The following MTUS1 variants were observed in gnomAD, a reference collection of about 807,000 sequenced individuals.
MTUS1 encodes the protein microtubule associated scaffold protein 1.
A neutral mutation model predicts 120.8 loss-of-function variants in MTUS1; 109 were observed. The ratio of observed to expected loss-of-function variants is 0.90; its 90% confidence interval spans 0.77 to 1.06. The LOEUF (loss-of-function observed/expected upper bound fraction) is 1.06. Ranked by LOEUF, MTUS1 falls within the 50% of genes least tolerant of loss-of-function variation. The pLI is 0.00. For synonymous variants in MTUS1, 737 were observed against 550.5 expected, an observed-to-expected ratio of 1.34 and a Z score of -4.74; for missense variants, 2,210 against 1,486.3, an observed-to-expected ratio of 1.49 and a Z score of -8.01.
At chr8:17,705,049 T>C (rs1819882481) in intron 6 of MTUS1, among the ~76,000 whole-genome samples, 2 of 152,188 alleles carry the variant, frequency 1.3e-5, no homozygotes, top group African/African-American at 4.8e-5. Flanking sequence ...GGTGGTGCAA[T>C]CTCAGCTCAC....
chr8:17,713,238 T>A lies in MTUS1; in HGVS notation c.2599A>T (p.Asn867Tyr). ...KTPPKGPSRK[N>Y]LFTALNAVEK... Reference sequence around the variant, plus strand: ...CCTGCATTAAGAGCTGTAAATAAATTTTTTCTCGAAGGACCTAAGATATAA... The same window carrying A: ...CCTGCATTAAGAGCTGTAAATAAATATTTTCTCGAAGGACCTAAGATATAA... Residue 867 changes from asparagine to tyrosine, a missense_variant, in exon 6 of 15, where the codon AAT becomes TAT. Coordinates refer to ENST00000693296, the MANE Select transcript of MTUS1 (RefSeq NM_001363059.2). 6.3e-7 allele frequency: 1 copy of A among 1,594,676 alleles called. No individual in the cohort carries two copies. The highest frequency in any genetic ancestry group is 8.6e-7 in the Non-Finnish European group (1 of 1,164,636).
intron 8 of MTUS1, among the ~76,000 whole-genome samples, chr8:17,664,571 C>A (rs1311510177): frequency 6.6e-6 from 1 of 151,750 alleles, no homozygotes; most frequent in Non-Finnish European, 1.5e-5. Context: ...AACCGGCCTC[C>A]TCCTCTCAGT....
At chr8:17,690,021 A>T (rs1352827150) in intron 6 of MTUS1, among the ~76,000 whole-genome samples, 1 of 152,234 alleles carries the variant, frequency 6.6e-6, no homozygotes, top group Non-Finnish European at 1.5e-5. Flanking sequence ...ACAAAAATAG[A>T]CAAATGGGAC....
At chr8:17,748,887 A>G (rs937979727) in intron 2 of MTUS1, among the ~76,000 whole-genome samples, 3 of 152,200 alleles carry the variant, frequency 2.0e-5, no homozygotes, top group African/African-American at 7.2e-5. Flanking sequence ...TATGCACCCA[A>G]TAAATGTTTC....
intron 6 of MTUS1, among the ~76,000 whole-genome samples, chr8:17,688,323 T>G (rs755792109): frequency 5.2e-4 from 79 of 152,194 alleles, no homozygotes; most frequent in African/African-American, 1.8e-3. Flanking sequence ...AGGGTGGTAT[T>G]GCTCAGAGAG....
chr8:17,769,593 C>G (rs1207981869), intron 1 of MTUS1, among the ~76,000 whole-genome samples: 1 of 151,864 alleles, frequency 6.6e-6, no homozygotes, highest in Non-Finnish European at 1.5e-5. Flanking sequence ...GTGATCCACC[C>G]GCCTCGGCCT....
At chr8:17,702,587 T>A (rs1000471432) in intron 6 of MTUS1, among the ~76,000 whole-genome samples, 4 of 152,212 alleles carry the variant, frequency 2.6e-5, no homozygotes, top group African/African-American at 9.7e-5. Flanking sequence ...GTTTCTGACT[T>A]TGACTATGTT....
chr8:17,732,419 G>T (rs2046647998), intron 3 of MTUS1, among the ~76,000 whole-genome samples: 1 of 152,160 alleles, frequency 6.6e-6, no homozygotes, highest in Non-Finnish European at 1.5e-5. Context: ...CTTCAGGGAT[G>T]CCCCTACGTT....
rs756490751 is a variant in MTUS1 at position 17,656,043 on chromosome 8, C to G, written c.2928G>C (p.Glu976Asp). The G allele has an allele frequency of 1.9e-6, 3 of 1,614,162 alleles. No individual in the cohort carries two copies. Among genetic ancestry groups the G allele is most frequent in the Admixed American group, 1.7e-5 (1 of 60,020 alleles). Residue 976 changes from glutamate to aspartate, a missense_variant, in exon 9 of 15, where the codon GAG becomes GAC. Coordinates refer to ENST00000693296, the MANE Select transcript of MTUS1 (RefSeq NM_001363059.2). ...GELVTASTTCEKLEKARNELQ... is the reference protein window; with the variant it reads ...GELVTASTTCDKLEKARNELQ... Reference sequence around the variant, plus strand: ...ACTCATTCCTGGCTTTTTCTAATTTCTCACAGGTGGTTGAAGCAGTGACTG... The same window carrying G: ...ACTCATTCCTGGCTTTTTCTAATTTGTCACAGGTGGTTGAAGCAGTGACTG...
intron 1 of MTUS1, among the ~76,000 whole-genome samples, chr8:17,798,807 C>A (rs1034108350): frequency 1.3e-5 from 2 of 152,098 alleles, no homozygotes; most frequent in Non-Finnish European, 2.9e-5. Context: ...AAAGTATCTG[C>A]AATATGAATG....
chr8:17,644,970 G>A lies in MTUS1; in HGVS notation c.*956C>T, dbSNP rs1805504457. 6.6e-6 allele frequency: 1 copy of A among 152,422 alleles called. No homozygotes were observed. Among genetic ancestry groups the A allele is most frequent in the African/African-American group, 2.4e-5 (1 of 41,424 alleles). 9.4% of individuals were successfully genotyped at this position (152,422 alleles called of 1,614,324 possible). On this transcript the variant is annotated 3_prime_UTR_variant, in exon 15 of 15. Transcript: ENST00000693296. ...GGAAAATGAGAATAATGGGAGGGAA[G>A]AAGACAGGTTAAATCTGCAAGGGTA...
At chr8:17,742,906 G>A (rs558155227) in intron 3 of MTUS1, among the ~76,000 whole-genome samples, 8 of 152,224 alleles carry the variant, frequency 5.3e-5, no homozygotes, top group East Asian at 3.9e-4. Flanking sequence ...AGGCTGTACC[G>A]GCAGAAGTAA....
intron 7 of MTUS1, among the ~76,000 whole-genome samples, chr8:17,679,275 G>A (rs1345508523): frequency 1.3e-5 from 2 of 151,400 alleles, no homozygotes; most frequent in Non-Finnish European, 2.9e-5. Flanking sequence ...GGTATATCAT[G>A]TATATAAAAA....
At chr8:17,741,580 T>C (rs529100789) in intron 3 of MTUS1, among the ~76,000 whole-genome samples, 10 of 152,328 alleles carry the variant, frequency 6.6e-5, no homozygotes, top group African/African-American at 2.4e-4. Context: ...AGATCCACTT[T>C]TCTCTAAGAC....
chr8:17,674,061 T>C (rs937952746), intron 8 of MTUS1, among the ~76,000 whole-genome samples: 1 of 152,102 alleles, frequency 6.6e-6, no homozygotes, highest in Non-Finnish European at 1.5e-5. Flanking sequence ...AAGCAGGAAG[T>C]TGATTCTCTA....
At chr8:17,743,126 C>T (rs1189520808) in intron 3 of MTUS1, among the ~76,000 whole-genome samples, 1 of 152,066 alleles carries the variant, frequency 6.6e-6, no homozygotes, top group African/African-American at 2.4e-5. Context: ...TACAAGCCAA[C>T]ATAAATAAAA....
rs117174937 is a variant in MTUS1 at position 17,749,329 on chromosome 8, T to G, written c.2091+4388A>C. 7.1e-3 allele frequency among the ~76,000 whole-genome samples: 1,077 copies of G among 152,224 alleles called. 4 individuals carry two copies. Among genetic ancestry groups the G allele is most frequent in the Non-Finnish European group, 0.011 (723 of 67,994 alleles). The stretch of plus-strand genomic sequence containing the variant: ...TAACCCAGACATTCCTTTTTGTTGA[T>G]TCCAGGTCTTTAACTCTTTGAACCA... On this transcript the variant is annotated intron_variant, in intron 2 of 14. Transcript: ENST00000693296.
At position 17,789,922 on chromosome 8, in the gene MTUS1, G is replaced by C. The variant is rs547526140; in HGVS notation, c.-155+11139C>G. On this transcript the variant is annotated intron_variant, in intron 1 of 14. Transcript: ENST00000693296. The stretch of plus-strand genomic sequence containing the variant: ...AAACTGTGGTTTTGTGAGGGCATTC[G>C]TCTCTTCCCAGTTCTGACACTGGCC... Among the ~76,000 whole-genome samples the C allele has an allele frequency of 2.0e-5, 3 of 152,182 alleles. No homozygotes were observed. In the South Asian group the frequency reaches 6.2e-4, roughly 32 times the overall value.
chr8:17,750,740 G>C (rs1207084581), intron 2 of MTUS1, among the ~76,000 whole-genome samples: 1 of 152,208 alleles, frequency 6.6e-6, no homozygotes, highest in Non-Finnish European at 1.5e-5. Context: ...CCTGAGCAAA[G>C]TGCCTGACCC....
Sources: allele counts gnomAD v4.1 joint callset (sites outside exome capture counted in the v4.1 genomes callset), GRCh38; gene constraint gnomAD v4.1.1; transcripts MANE v1.5; gene names NCBI Gene and HGNC (gene_info 2026-07-23, HGNC 2026-07-21).